Variants in PA2G4 observed in about 807,000 individuals in gnomAD.
The protein encoded by PA2G4 is proliferation-associated protein 2G4.
In PA2G4, 8 loss-of-function variants were observed where a neutral mutation model predicts 53.3. The observed-to-expected ratio is 0.15, with a 90% CI of 0.09 to 0.27. PA2G4 has a LOEUF of 0.27. Among genes scored for constraint, PA2G4 ranks in the 10% least tolerant of loss-of-function variants. The probability of loss-of-function intolerance (pLI) is 1.00; values close to 1 mark genes in which losing one functional copy is unlikely to be tolerated. For synonymous variants in PA2G4, 143 were observed against 169.8 expected (o/e 0.84, Z 1.23); for missense variants, 208 against 486.8 (o/e 0.43, Z 5.39).
Position 56,111,556 on chromosome 12 carries a change from T to C in PA2G4, c.1119+27T>C, listed in dbSNP as rs182079440. The C allele has an allele frequency of 1.6e-5, 25 of 1,603,158 alleles. No homozygotes were observed. In the African/African-American group the frequency reaches 3.3e-4, roughly 21 times the overall value. ...TGTGTTATTAACGATCATTCCTCTCTGGCAGGGTGAACCTGATCCCTCTTT... is the reference window on the plus strand; with the variant it reads ...TGTGTTATTAACGATCATTCCTCTCCGGCAGGGTGAACCTGATCCCTCTTT... On this transcript the variant is annotated intron_variant, in intron 12 of 12. Coordinates refer to ENST00000303305, the MANE Select transcript of PA2G4 (RefSeq NM_006191.3).
intron 8 of PA2G4, 31 bp downstream of exon 8, chr12:56,110,508 G>T (rs549620266): frequency 6.2e-7 from 1 of 1,613,938 alleles, no homozygotes; most frequent in South Asian, 1.1e-5. Context: ...GGCAAAGAGG[G>T]GTGACTGAGA....
rs1869464813 is a variant in PA2G4 at position 56,113,065 on chromosome 12, C to T, written c.*177C>T. 4.2e-6 allele frequency: 2 copies of T among 476,576 alleles called. No individual in the cohort carries two copies. The highest frequency in any genetic ancestry group is 4.1e-5 in the African/African-American group (2 of 48,848). 29.5% of individuals were successfully genotyped at this position (476,576 alleles called of 1,614,324 possible). On this transcript the variant is annotated 3_prime_UTR_variant, in exon 13 of 13. Coordinates refer to ENST00000303305, the MANE Select transcript of PA2G4 (RefSeq NM_006191.3). ...TCCAACAACAACCAGCTCCAACTGACTCTGGTCTTGGGAGGTGAGGCTTCC... is the reference window on the plus strand; with the variant it reads ...TCCAACAACAACCAGCTCCAACTGATTCTGGTCTTGGGAGGTGAGGCTTCC...
At chr12:56,106,444 G>C in intron 1 of PA2G4, 144 bp from the exon 2 acceptor site, 1 of 850,536 alleles carries the variant, frequency 1.2e-6, no homozygotes. Context: ...GTAAGGAAGA[G>C]AAGGGAATGT....
Position 56,110,435 on chromosome 12 carries a change from A to G in PA2G4, c.666A>G (p.Glu222=), listed in dbSNP as rs1313793598. Residue 222 remains glutamate, a synonymous_variant, in exon 8 of 13, where the codon GAA becomes GAG. Transcript: ENST00000303305. Reference sequence around the variant, plus strand: ...AAAAAGCTGAATTTGAGGTACATGAAGTATATGCTGTGGATGTTCTCGTCA... The same window carrying G: ...AAAAAGCTGAATTTGAGGTACATGAGGTATATGCTGTGGATGTTCTCGTCA... ...DHEKAEFEVH[E]VYAVDVLVSS... 1 of 1,612,492 alleles carries G rather than the reference A, an allele frequency of 6.2e-7. No individual in the cohort carries two copies. Among genetic ancestry groups the G allele is most frequent in the South Asian group, 1.1e-5 (1 of 91,058 alleles).
At chr12:56,108,493 CT>C (rs1445402985) in intron 5 of PA2G4, among the ~76,000 whole-genome samples, 1 of 152,198 alleles carries the variant, frequency 6.6e-6, no homozygotes, top group African/African-American at 2.4e-5. Context: ...TACAACCATT[CT>C]GTTTTTCATT....
intron 1 of PA2G4, chr12:56,105,060 G>T (rs778137682): frequency 5.7e-6 from 4 of 697,620 alleles, no homozygotes; most frequent in Non-Finnish European, 1.0e-5. Flanking sequence ...GCAGAGAGGG[G>T]ACCCTGGCAG....
chr12:56,113,711 G>T lies in PA2G4; in HGVS notation c.*823G>T. 1 of 638,688 alleles carries T rather than the reference G, an allele frequency of 1.6e-6. No individual in the cohort carries two copies. Among genetic ancestry groups the T allele is most frequent in the South Asian group, 1.8e-5 (1 of 55,608 alleles). The allele number at this position is 638,688 out of a possible 1,614,324, so 39.6% of individuals were successfully genotyped here. A position where few individuals can be genotyped will look rare whatever the true frequency, so the allele number is the denominator to read the frequency against. ...AGAAAAACCAAGAACCAGAGGCGTA[G>T]ACTGACTGAAGACACAACTCCTGGC... is the stretch of plus-strand genomic sequence containing the variant. On this transcript the variant is annotated 3_prime_UTR_variant, in exon 13 of 13. Transcript: ENST00000303305.
rs1486900202 is a variant in PA2G4 at position 56,110,552 on chromosome 12, C to G, written c.709-7C>G. 6.2e-7 allele frequency: 1 copy of G among 1,614,076 alleles called. No homozygotes were observed. The highest frequency in any genetic ancestry group is 1.1e-5 in the South Asian group (1 of 91,070). On this transcript the variant is annotated splice_region_variant and splice_polypyrimidine_tract_variant and intron_variant, in intron 8 of 12. Coordinates refer to ENST00000303305, the MANE Select transcript of PA2G4 (RefSeq NM_006191.3). The stretch of plus-strand genomic sequence containing the variant: ...CAGACCAAATGTTACTTAAATTACT[C>G]TTTCAGGCCAAGGATGCAGGACAGA...
chr12:56,111,585 CCACT>C (rs1869426404), intron 12 of PA2G4, 56 bp downstream of exon 12: 1 of 1,466,312 alleles, frequency 6.8e-7, no homozygotes, highest in East Asian at 2.3e-5. Context: ...CCTCTTTCTC[CCACT>C]GTGTTAAGTT....
intron 5 of PA2G4, among the ~76,000 whole-genome samples, 158 bp downstream of exon 5, chr12:56,107,771 G>A (rs1020324226): frequency 1.3e-5 from 2 of 152,220 alleles, no homozygotes; most frequent in Non-Finnish European, 1.5e-5. Flanking sequence ...ACTCACATCT[G>A]TAATCCCATC....
At position 56,107,557 on chromosome 12, in the gene PA2G4, A is replaced by G; in HGVS notation, c.430A>G (p.Lys144Glu). The change falls in exon 5 of 13, where the codon AAG (lysine) becomes GAG (glutamate). Residue 144 changes from lysine (K) to glutamate (E), a missense_variant. Physicochemically the swap from Lys to Glu is moderately conservative, Grantham distance 56. Transcript: ENST00000303305. The part of the protein sequence containing the change: ...QVTGRKADVI[K>E]AAHLCAEAAL... ...AACAGGGAGGAAAGCAGATGTTATT[A>G]AGGCAGCTCACCTTTGTGCTGAAGC... 1 of 1,613,760 alleles carries G rather than the reference A, an allele frequency of 6.2e-7. No individual in the cohort carries two copies. Among genetic ancestry groups the G allele is most frequent in the South Asian group, 1.1e-5 (1 of 91,070 alleles).
chr12:56,110,050 T>A, intron 7 of PA2G4, 115 bp downstream of exon 7: 1 of 783,262 alleles, frequency 1.3e-6, no homozygotes, highest in South Asian at 1.5e-5. Context: ...AGGAGTGACC[T>A]GTTGCTCTTA....
chr12:56,110,789 G>A, intron 9 of PA2G4, 97 bp downstream of exon 9: 1 of 1,471,856 alleles, frequency 6.8e-7, no homozygotes, highest in Middle Eastern at 1.9e-4. Flanking sequence ...CTTGTAGCGT[G>A]CATGTGCTCA....
At chr12:56,111,743 C>T (rs1869430961) in intron 12 of PA2G4, among the ~76,000 whole-genome samples, 1 of 150,780 alleles carries the variant, frequency 6.6e-6, no homozygotes, top group Non-Finnish European at 1.5e-5. Flanking sequence ...GACAGAGTCT[C>T]AAACTCCTGG....
intron 12 of PA2G4, among the ~76,000 whole-genome samples, chr12:56,111,863 A>G (rs1869433459): frequency 6.6e-6 from 1 of 151,176 alleles, no homozygotes; most frequent in Non-Finnish European, 1.5e-5. Context: ...CTGTAATCCC[A>G]GCACTTTGGG....
At chr12:56,112,734 G>C (rs951747014) in intron 12 of PA2G4, 89 bp from the exon 13 acceptor site, 3 of 903,572 alleles carry the variant, frequency 3.3e-6, no homozygotes, top group Non-Finnish European at 3.5e-6. Context: ...GACTGTCTCA[G>C]AAAAAAAAAT....
At chr12:56,112,482 G>T (rs1043949065) in intron 12 of PA2G4, among the ~76,000 whole-genome samples, 1 of 152,200 alleles carries the variant, frequency 6.6e-6, no homozygotes, top group East Asian at 1.9e-4. Context: ...TTATGGCTGG[G>T]TGTGGTGGTT....
chr12:56,105,226 T>G (rs1869273062), intron 1 of PA2G4: 4 of 427,450 alleles, frequency 9.4e-6, no homozygotes, highest in Non-Finnish European at 1.4e-5. Flanking sequence ...CCTCTGTTTT[T>G]GTAGCGTCTC....
At chr12:56,110,095 A>G (rs1418239532) in intron 7 of PA2G4, among the ~76,000 whole-genome samples, 160 bp downstream of exon 7, 1 of 152,042 alleles carries the variant, frequency 6.6e-6, no homozygotes, top group Non-Finnish European at 1.5e-5. Flanking sequence ...GCGGTGGCTC[A>G]CGCCTGTAAT....
Sources: gnomAD v4.1 joint callset for allele counts (sites outside exome capture counted in the v4.1 genomes callset) on GRCh38, gnomAD v4.1.1 for gene constraint, MANE v1.5 for transcripts, NCBI Gene and HGNC (gene_info 2026-07-23, HGNC 2026-07-21) for gene names.